GUSB: variants seen among roughly 807,000 people sequenced by gnomAD.
GUSB encodes glucuronidase beta.
A neutral mutation model predicts 74.6 loss-of-function variants in GUSB; 51 were observed. That is an observed-to-expected ratio of 0.68 (90% CI 0.55 to 0.86). GUSB has a LOEUF of 0.86. Ranked by LOEUF, GUSB falls within the 40% of genes least tolerant of loss-of-function variation. GUSB has a pLI of 0.00. For missense variants in GUSB, 736 were observed against 853.7 expected (o/e 0.86, Z 1.72); for synonymous variants, 360 against 348.3 (o/e 1.03, Z -0.37).
At chr7:65,971,057 G>A (rs1791174457) in intron 8 of GUSB, among the ~76,000 whole-genome samples, 6 of 152,126 alleles carry the variant, frequency 3.9e-5, no homozygotes, top group Admixed American at 3.3e-4. Flanking sequence ...ACCCCCAGAG[G>A]AGCAGCCACT....
In GUSB at chr7:65,980,311, C is replaced by T. The variant is rs1372923780; in HGVS notation, c.309G>A (p.Arg103=). Residue 103 remains arginine, a synonymous_variant, in exon 2 of 12, where the codon CGG becomes CGA. Transcript: ENST00000304895. The stretch of plus-strand genomic sequence containing the variant: ...TCCATCGCTCCGGCAGGATCACCTC[C>T]CGTTCGTACCACACCCAGCCGACAA... ...RHFVGWVWYE[R]EVILPERWTQ... The T allele has an allele frequency of 6.2e-6, 10 of 1,613,830 alleles. No homozygotes were observed. The South Asian group carries it at 1.1e-4, about 18-fold the overall frequency.
At chr7:65,977,003 G>A (rs185454350) in intron 4 of GUSB, among the ~76,000 whole-genome samples, 34 of 152,088 alleles carry the variant, frequency 2.2e-4, no homozygotes, top group African/African-American at 7.7e-4. Context: ...CTACGCATGT[G>A]CAACCAGAGG....
intron 10 of GUSB, among the ~76,000 whole-genome samples, chr7:65,967,116 T>A (rs568773654): frequency 6.6e-6 from 1 of 151,818 alleles, no homozygotes; most frequent in Non-Finnish European, 1.5e-5. Flanking sequence ...TGACCAGAGG[T>A]TAGGGCTTTG....
At position 65,979,875 on chromosome 7, in the gene GUSB, C is replaced by A. The variant is rs1021669842; in HGVS notation, c.433G>T (p.Gly145Cys). The change falls in exon 3 of 12, where the codon GGC (glycine) becomes TGC (cysteine). Residue 145 changes from glycine to cysteine, a missense_variant. This residue lies in a region of GUSB where 368 missense variants were observed against 363.8 expected (regional missense o/e 1.01). Coordinates refer to ENST00000304895, the MANE Select transcript of GUSB (RefSeq NM_000181.4). ...ATGTCGGCCTCGAAGGGGAGGTAGC[C>A]CCCCTCATGCTCTAGCGTGTCGACC... ...NGVDTLEHEG[G>C]YLPFEADISN... 6.2e-7 allele frequency: 1 copy of A among 1,611,732 alleles called. No homozygotes were observed. The highest frequency in any genetic ancestry group is 8.5e-7 in the Non-Finnish European group (1 of 1,179,468).
intron 8 of GUSB, among the ~76,000 whole-genome samples, chr7:65,971,434 AT>A (rs1791203437): frequency 6.6e-6 from 1 of 152,150 alleles, no homozygotes; most frequent in Non-Finnish European, 1.5e-5. Flanking sequence ...TCTACAACAA[AT>A]TTAAAAATTA....
chr7:65,961,123 A>C, intron 11 of GUSB, 60 bp from the exon 12 acceptor site: 1 of 1,499,680 alleles, frequency 6.7e-7, no homozygotes, highest in Non-Finnish European at 9.3e-7. Flanking sequence ...GTCAAGTTAG[A>C]ACCAGTCTGG....
At position 65,960,788 on chromosome 7, in the gene GUSB, C is replaced by A. The variant is rs1790430349; in HGVS notation, c.*109G>T. On this transcript the variant is annotated 3_prime_UTR_variant, in exon 12 of 12. Coordinates refer to ENST00000304895, the MANE Select transcript of GUSB (RefSeq NM_000181.4). Reference sequence around the variant, plus strand: ...AGAATAGATGACCACAAAACCCAGGCCAGAAACGTTCTGGTCTGCCGTGAA... The same window carrying A: ...AGAATAGATGACCACAAAACCCAGGACAGAAACGTTCTGGTCTGCCGTGAA... 3.3e-6 allele frequency: 3 copies of A among 897,680 alleles called. No homozygotes were observed. The highest frequency in any genetic ancestry group is 1.6e-5 in the African/African-American group (1 of 61,582). 55.6% of individuals were successfully genotyped at this position (897,680 alleles called of 1,614,324 possible). A position where few individuals can be genotyped will look rare whatever the true frequency, so the allele number is the denominator to read the frequency against.
intron 3 of GUSB, 46 bp from the exon 4 acceptor site, chr7:65,979,587 C>T (rs1791845523): frequency 6.2e-7 from 1 of 1,612,254 alleles, no homozygotes; most frequent in Non-Finnish European, 8.5e-7. Flanking sequence ...CTCTGGGTCC[C>T]CTGACCTCAG....
intron 1 of GUSB, chr7:65,980,646 G>C: frequency 1.8e-6 from 1 of 556,606 alleles, no homozygotes. Flanking sequence ...TCCTGAGACA[G>C]GAGCAAGCCC....
chr7:65,979,481 C>T lies in GUSB; in HGVS notation c.642G>A (p.Leu214=). The T allele has an allele frequency of 1.2e-6, 2 of 1,613,476 alleles. No homozygotes were observed. Among genetic ancestry groups the T allele is most frequent in the Non-Finnish European group, 1.7e-6 (2 of 1,179,362 alleles). The change falls in exon 4 of 12, where the codon CTG becomes CTA. Residue 214 remains leucine, a synonymous_variant. Coordinates refer to ENST00000304895, the MANE Select transcript of GUSB (RefSeq NM_000181.4). ...TYFDFFNYAG[L]QRSVLLYTTP... ...TCGTGTACAGAAGTACAGACCGCTG[C>T]AGTCCAGCGTAGTTGAAAAAGTCAA... is the stretch of plus-strand genomic sequence containing the variant.
chr7:65,971,323 T>G (rs559068169), intron 8 of GUSB, among the ~76,000 whole-genome samples: 10 of 152,172 alleles, frequency 6.6e-5, no homozygotes, highest in African/African-American at 2.4e-4. Flanking sequence ...ATGGTGCAAG[T>G]GCCGGGCAAG....
chr7:65,968,293 A>T (rs1287528352), intron 9 of GUSB, among the ~76,000 whole-genome samples: 1 of 151,904 alleles, frequency 6.6e-6, no homozygotes. Flanking sequence ...GAGAACGTCC[A>T]AGTGTACCAA....
intron 8 of GUSB, among the ~76,000 whole-genome samples, chr7:65,973,943 A>G (rs1791385028): frequency 1.3e-5 from 2 of 151,000 alleles, no homozygotes; most frequent in Admixed American, 6.6e-5. Context: ...AAAAAAAAAA[A>G]CAGCCCCAGC....
rs759063684 is a variant in GUSB at position 65,974,678 on chromosome 7, C to T, written c.1092G>A (p.Pro364=). ...ADIRGKGFDW[P]LLVKDFNLLR... ...GCAGGTTGAAGTCCTTCACCAGCAGCGGCCAGTCGAAGCCCTTCCCTCGGA... is the reference window on the plus strand; with the variant it reads ...GCAGGTTGAAGTCCTTCACCAGCAGTGGCCAGTCGAAGCCCTTCCCTCGGA... The change falls in exon 7 of 12, where the codon CCG becomes CCA. Residue 364 remains proline (P), a synonymous_variant. Transcript: ENST00000304895. 3.7e-6 allele frequency: 6 copies of T among 1,613,238 alleles called. No individual in the cohort carries two copies. The highest frequency in any genetic ancestry group is 1.8e-4 in the Middle Eastern group (1 of 5,530).
Position 65,960,755 on chromosome 7 carries a change from T to TC in GUSB, c.*141dup. ...AATCTTTTATTTCCACCTTTAGTGT[T>TC]CCCTGCTAGAATAGATGACCACAAA... On this transcript the variant is annotated 3_prime_UTR_variant, in exon 12 of 12. Coordinates refer to ENST00000304895, the MANE Select transcript of GUSB (RefSeq NM_000181.4). 1.4e-6 allele frequency: 1 copy of TC among 738,428 alleles called. No homozygotes were observed. Among genetic ancestry groups the TC allele is most frequent in the South Asian group, 1.5e-5 (1 of 67,426 alleles). The allele number at this position is 738,428 out of a possible 1,614,324, so 45.7% of individuals were successfully genotyped here. A position where few individuals can be genotyped will look rare whatever the true frequency, so the allele number is the denominator to read the frequency against.
At chr7:65,981,612 GCTCAGAAGTTAGGCTGGCGCCA>G (rs1422736731) in intron 1 of GUSB, among the ~76,000 whole-genome samples, 2 of 151,880 alleles carry the variant, frequency 1.3e-5, no homozygotes, top group Admixed American at 1.3e-4. Flanking sequence ...AATCGCTTGA[GCTCAGAAGTTAGGCTGGCGCCA>G]CTCCGCCCCA....
intron 7 of GUSB, 33 bp downstream of exon 7, chr7:65,974,491 TGG>T: frequency 6.2e-7 from 1 of 1,614,054 alleles, no homozygotes; most frequent in Non-Finnish European, 8.5e-7. Flanking sequence ...GCCCCCGGGC[TGG>T]GCAGGCGGAG....
chr7:65,974,736 C>T (rs769999690), intron 6 of GUSB, 32 bp from the exon 7 acceptor site: 20 of 1,610,408 alleles, frequency 1.2e-5, no homozygotes, highest in Admixed American at 5.0e-5. Context: ...TGACCCCTGT[C>T]CCTGTCGAAG....
intron 8 of GUSB, among the ~76,000 whole-genome samples, chr7:65,972,251 T>G (rs1389766092): frequency 6.6e-6 from 1 of 151,844 alleles, no homozygotes. Flanking sequence ...AACCTCCACC[T>G]CCTGGGCTCA....
Sources: gnomAD v4.1 joint callset for allele counts (sites outside exome capture counted in the v4.1 genomes callset) on GRCh38, gnomAD v4.1.1 for gene constraint, gnomAD v4.1.1 regional missense constraint, MANE v1.5 for transcripts, NCBI Gene and HGNC (gene_info 2026-07-23, HGNC 2026-07-21) for gene names.